ARL15: variants seen among roughly 807,000 people sequenced by gnomAD.
ARL15 encodes the protein ARF like GTPase 15.
ARL15 carries 19 observed loss-of-function variants against 25.2 expected under a neutral mutation model. That is an observed-to-expected ratio of 0.75 (90% CI 0.53 to 1.10). ARL15 has a LOEUF of 1.10. ARL15 is among the 50% of genes least tolerant of loss of function. The probability of loss-of-function intolerance (pLI) is 0.00; values close to 1 mark genes in which losing one functional copy is unlikely to be tolerated. For synonymous variants in ARL15, 94 were observed against 86.8 expected, an observed-to-expected ratio of 1.08 and a Z score of -0.46; for missense variants, 220 against 246.0, an observed-to-expected ratio of 0.89 and a Z score of 0.71.
intron 2 of ARL15, among the ~76,000 whole-genome samples, chr5:54,161,885 AT>A (rs1579861206): frequency 6.6e-6 from 1 of 152,066 alleles, no homozygotes; most frequent in East Asian, 1.9e-4. Context: ...ACACATGTGG[AT>A]TTCTGACTTC....
Position 54,077,492 on chromosome 5 carries a change from C to T in ARL15, c.462+35710G>A, listed in dbSNP as rs537575878. Among the ~76,000 whole-genome samples, 38 of 152,316 alleles carry T rather than the reference C, an allele frequency of 2.5e-4. No homozygotes were observed. In the South Asian group the frequency reaches 3.7e-3, roughly 15 times the overall value. On this transcript the variant is annotated intron_variant, in intron 4 of 4. Transcript: ENST00000504924. ...TGTAAAGAACTCAAAAGGAAGCAAT[C>T]TACCTTCCAAACAAGTGTTGAAAAG...
intron 1 of ARL15, among the ~76,000 whole-genome samples, chr5:54,184,731 G>A (rs1282496458): frequency 6.6e-6 from 1 of 151,950 alleles, no homozygotes; most frequent in African/African-American, 2.4e-5. Flanking sequence ...TAAAGATGGA[G>A]CTCAGTCCCA....
intron 1 of ARL15, among the ~76,000 whole-genome samples, chr5:54,184,995 C>T (rs1300300768): frequency 6.6e-6 from 1 of 152,162 alleles, no homozygotes; most frequent in Non-Finnish European, 1.5e-5. Context: ...GGATAAAGTA[C>T]AGACTCCTTA....
chr5:54,177,812 G>C (rs1754928380), intron 1 of ARL15, among the ~76,000 whole-genome samples: 1 of 152,088 alleles, frequency 6.6e-6, no homozygotes, highest in Admixed American at 6.5e-5. Flanking sequence ...CAGAATAAAA[G>C]TTCCTCCCCA....
intron 4 of ARL15, among the ~76,000 whole-genome samples, chr5:54,025,185 T>C (rs937265105): frequency 4.6e-5 from 7 of 151,244 alleles, no homozygotes; most frequent in African/African-American, 1.5e-4. Context: ...AAATGGAAAG[T>C]GAGGATAGCG....
At chr5:53,913,758 A>G (rs1056380836) in intron 4 of ARL15, among the ~76,000 whole-genome samples, 1 of 152,146 alleles carries the variant, frequency 6.6e-6, no homozygotes, top group African/African-American at 2.4e-5. Flanking sequence ...TTAAGACCCA[A>G]TTCAAATGCT....
chr5:54,075,058 T>C (rs1454190214), intron 4 of ARL15, among the ~76,000 whole-genome samples: 1 of 52,474 alleles, frequency 1.9e-5, no homozygotes, highest in Non-Finnish European at 4.0e-5. Flanking sequence ...GAATGATTCT[T>C]AGTACAGAAT....
At chr5:54,038,265 A>C (rs1002686579) in intron 4 of ARL15, among the ~76,000 whole-genome samples, 1 of 152,140 alleles carries the variant, frequency 6.6e-6, no homozygotes, top group African/African-American at 2.4e-5. Flanking sequence ...TAATGAAGAC[A>C]TAAGACTCTC....
At chr5:54,122,581 T>C (rs1006520297) in intron 3 of ARL15, among the ~76,000 whole-genome samples, 2 of 152,212 alleles carry the variant, frequency 1.3e-5, no homozygotes, top group African/African-American at 4.8e-5. Context: ...TAACCAAAAA[T>C]TGGTACTATT....
At chr5:54,084,970 T>C (rs1048685349) in intron 4 of ARL15, among the ~76,000 whole-genome samples, 1 of 152,192 alleles carries the variant, frequency 6.6e-6, no homozygotes, top group Non-Finnish European at 1.5e-5. Flanking sequence ...ATATTATGGC[T>C]TTGGCTAATG....
chr5:54,177,851 A>C (rs1278102984), intron 1 of ARL15, among the ~76,000 whole-genome samples: 1 of 152,182 alleles, frequency 6.6e-6, no homozygotes, highest in Admixed American at 6.6e-5. Flanking sequence ...TCCTGCTCAA[A>C]GTTCTGTTTA....
intron 1 of ARL15, among the ~76,000 whole-genome samples, chr5:54,281,493 A>G (rs1297772037): frequency 6.6e-6 from 1 of 152,116 alleles, no homozygotes. Context: ...ACCTCACGCT[A>G]TTGACATTTT....
At position 54,262,816 on chromosome 5, in the gene ARL15, C is replaced by T. The variant is rs34883270; in HGVS notation, c.48+47616G>A. Among the ~76,000 whole-genome samples, 5 of 152,098 alleles carry T rather than the reference C, an allele frequency of 3.3e-5. No homozygotes were observed. In the South Asian group the frequency reaches 6.2e-4, roughly 19 times the overall value. Reference sequence around the variant, plus strand: ...AAAAAATTTCCATTTGTCTTTCTTTCGTATTAAAGGTTTAGACAGGAAACC... The same window carrying T: ...AAAAAATTTCCATTTGTCTTTCTTTTGTATTAAAGGTTTAGACAGGAAACC... On this transcript the variant is annotated intron_variant, in intron 1 of 4. Transcript: ENST00000504924.
At chr5:54,031,554 C>T (rs1190597935) in intron 4 of ARL15, among the ~76,000 whole-genome samples, 1 of 152,136 alleles carries the variant, frequency 6.6e-6, no homozygotes, top group Non-Finnish European at 1.5e-5. Flanking sequence ...GACCATGCGA[C>T]CTGTTGCTTC....
At chr5:54,028,903 T>C (rs1056804346) in intron 4 of ARL15, among the ~76,000 whole-genome samples, 1 of 152,036 alleles carries the variant, frequency 6.6e-6, no homozygotes, top group African/African-American at 2.4e-5. Flanking sequence ...GCGCCTATAG[T>C]CCCAGCTACT....
At chr5:54,181,339 TA>T (rs1267266491) in intron 1 of ARL15, among the ~76,000 whole-genome samples, 22 of 152,176 alleles carry the variant, frequency 1.4e-4, no homozygotes, top group African/African-American at 4.8e-4. Flanking sequence ...TAAATGTCTG[TA>T]ACGAGACCTA....
intron 4 of ARL15, among the ~76,000 whole-genome samples, chr5:54,014,090 G>A (rs186218934): frequency 6.6e-6 from 1 of 152,310 alleles, no homozygotes; most frequent in Admixed American, 6.5e-5. Context: ...GACACTCAAA[G>A]ATCATGCTTA....
Position 53,994,698 on chromosome 5 carries a change from C to T in ARL15, c.463-107985G>A, listed in dbSNP as rs796794972. On this transcript the variant is annotated intron_variant, in intron 4 of 4. Transcript: ENST00000504924. ...CCAACAGTGAAGATGCATTTAAAAA[C>T]TGCAACTCACATCTAAATGTAGGCC... 3.3e-5 allele frequency among the ~76,000 whole-genome samples: 5 copies of T among 152,312 alleles called. No individual in the cohort carries two copies. The East Asian group carries it at 5.8e-4, about 18-fold the overall frequency.
At chr5:54,119,639 T>C (rs1014813641) in intron 3 of ARL15, among the ~76,000 whole-genome samples, 1 of 152,200 alleles carries the variant, frequency 6.6e-6, no homozygotes, top group African/African-American at 2.4e-5. Context: ...GGCTCCACTT[T>C]GCCATTCCTA....
Sources: allele counts gnomAD v4.1 joint callset (sites outside exome capture counted in the v4.1 genomes callset), GRCh38; gene constraint gnomAD v4.1.1; transcripts MANE v1.5; gene names NCBI Gene and HGNC (gene_info 2026-07-23, HGNC 2026-07-21).